TIMM23: variants seen among roughly 807,000 people sequenced by gnomAD.
The protein encoded by TIMM23 is translocase of inner mitochondrial membrane 23, also known as mitochondrial import inner membrane translocase subunit Tim23.
A neutral mutation model predicts 30.7 loss-of-function variants in TIMM23; 19 were observed. That is an observed-to-expected ratio of 0.62 (90% CI 0.43 to 0.91). TIMM23 has a LOEUF of 0.91. TIMM23 is among the 40% of genes least tolerant of loss of function. The pLI is 0.00. For synonymous variants in TIMM23, 78 were observed against 98.5 expected, an observed-to-expected ratio of 0.79 and a Z score of 1.23; for missense variants, 202 against 269.2, an observed-to-expected ratio of 0.75 and a Z score of 1.75.
intron 2 of TIMM23, among the ~76,000 whole-genome samples, chr10:45,977,709 T>C (rs1262883793): frequency 6.6e-6 from 1 of 152,188 alleles, no homozygotes. Context: ...TTAATCAGAA[T>C]TTAAAAATTT....
chr10:45,979,606 C>CTTTTT (rs1171770886), intron 2 of TIMM23, among the ~76,000 whole-genome samples: 1 of 54,410 alleles, frequency 1.8e-5, no homozygotes. Context: ...CATGCCTGGC[C>CTTTTT]TTTTTTTTTT....
At chr10:45,994,295 C>A (rs1162571907) in intron 6 of TIMM23, among the ~76,000 whole-genome samples, 1 of 151,682 alleles carries the variant, frequency 6.6e-6, no homozygotes, top group African/African-American at 2.4e-5. Context: ...GGCAAGATTG[C>A]GCCACTGCAC....
At chr10:45,991,557 G>A (rs1838163485) in intron 6 of TIMM23, among the ~76,000 whole-genome samples, 2 of 152,132 alleles carry the variant, frequency 1.3e-5, no homozygotes, top group South Asian at 4.1e-4. Context: ...TTCAAGACCA[G>A]CCTGACCAAC....
chr10:45,987,128 T>C, intron 5 of TIMM23, among the ~76,000 whole-genome samples: 1 of 152,262 alleles, frequency 6.6e-6, no homozygotes, highest in Middle Eastern at 3.4e-3. Flanking sequence ...ATGGGCATTT[T>C]ATTTGTTGCC....
chr10:45,978,876 G>T (rs1440182222), intron 2 of TIMM23, among the ~76,000 whole-genome samples: 1 of 152,018 alleles, frequency 6.6e-6, no homozygotes, highest in Non-Finnish European at 1.5e-5. Flanking sequence ...CCAAAAAATG[G>T]AAACAAACCA....
intron 2 of TIMM23, among the ~76,000 whole-genome samples, chr10:45,980,931 T>A (rs1265429826): frequency 2.0e-5 from 3 of 150,800 alleles, no homozygotes; most frequent in African/African-American, 7.3e-5. Flanking sequence ...TTTTTTTTTT[T>A]AAGTTTTCTT....
intron 6 of TIMM23, among the ~76,000 whole-genome samples, chr10:46,001,061 T>A (rs1831399647): frequency 6.6e-6 from 1 of 152,260 alleles, no homozygotes; most frequent in Admixed American, 6.5e-5. Context: ...TGGCTTATTT[T>A]TTCCACATTA....
chr10:45,974,449 A>C (rs1837605089), intron 1 of TIMM23, among the ~76,000 whole-genome samples: 1 of 152,186 alleles, frequency 6.6e-6, no homozygotes, highest in Admixed American at 6.5e-5. Flanking sequence ...GAAACAAAAC[A>C]AATTTGGCAG....
rs1432099968 is a variant in TIMM23 at position 45,974,163 on chromosome 10, GT to G, written c.107-1283del. Among the ~76,000 whole-genome samples the G allele has an allele frequency of 2.0e-3, 303 of 150,628 alleles. 3 individuals are homozygous for G. Among genetic ancestry groups the G allele is most frequent in the East Asian group, 0.019 (98 of 5,142 alleles). On this transcript the variant is annotated intron_variant, in intron 1 of 6. Coordinates refer to ENST00000580018, the MANE Select transcript of TIMM23 (RefSeq NM_006327.4). ...CAGGACTATAGTGGTTTTTGTGGGG[GT>G]TTTTTTTGTTTTTTTTTGAAAAGAG...
rs1289053417 is a variant in TIMM23 at position 45,993,996 on chromosome 10, A to G, written c.514+5149A>G. On this transcript the variant is annotated intron_variant, in intron 6 of 6. Transcript: ENST00000580018. The stretch of plus-strand genomic sequence containing the variant: ...AGCTTGGGTGATAGAGTGAGACTCC[A>G]TCTTGAAATGAAATGATGAAGTAAT... Among the ~76,000 whole-genome samples the G allele has an allele frequency of 4.7e-3, 713 of 152,308 alleles. 5 individuals carry two copies. The highest frequency in any genetic ancestry group is 0.019 in the East Asian group (97 of 5,180).
intron 4 of TIMM23, among the ~76,000 whole-genome samples, chr10:45,984,098 A>G (rs1837931140): frequency 1.3e-5 from 2 of 151,846 alleles, no homozygotes; most frequent in Admixed American, 1.3e-4. Flanking sequence ...ATGCTTTACC[A>G]GCCTAGATCC....
intron 5 of TIMM23, among the ~76,000 whole-genome samples, chr10:45,986,250 A>G (rs1837983921): frequency 6.6e-6 from 1 of 152,098 alleles, no homozygotes; most frequent in Non-Finnish European, 1.5e-5. Context: ...ATCCTAAGAG[A>G]TGGCTGCTTT....
At chr10:45,981,097 C>G (rs1246657060) in intron 2 of TIMM23, among the ~76,000 whole-genome samples, 7 of 148,620 alleles carry the variant, frequency 4.7e-5, no homozygotes, top group African/African-American at 1.7e-4. Context: ...CACTGCCACG[C>G]CCAGCTAATT....
chr10:45,998,460 T>C, intron 6 of TIMM23: 1 of 897,144 alleles, frequency 1.1e-6, no homozygotes, highest in Non-Finnish European at 1.3e-6. Flanking sequence ...CTTATTTGGT[T>C]ACTCTGTTCA....
chr10:45,978,787 A>G (rs1394329940), intron 2 of TIMM23, among the ~76,000 whole-genome samples: 2 of 151,950 alleles, frequency 1.3e-5, no homozygotes, highest in Non-Finnish European at 1.5e-5. Context: ...ACTTGCGTAT[A>G]CTCCATACTC....
intron 6 of TIMM23, among the ~76,000 whole-genome samples, chr10:45,989,564 T>G (rs1409599576): frequency 6.6e-6 from 1 of 152,240 alleles, no homozygotes; most frequent in Non-Finnish European, 1.5e-5. Flanking sequence ...TTCTTTTCTG[T>G]ATTTTTCATT....
intron 6 of TIMM23, among the ~76,000 whole-genome samples, chr10:46,000,975 C>T (rs1222808419): frequency 1.3e-5 from 2 of 152,208 alleles, no homozygotes; most frequent in Non-Finnish European, 2.9e-5. Context: ...CCTTATTACA[C>T]TCAAAATTAG....
At chr10:45,981,752 ACC>A (rs1837852696) in intron 2 of TIMM23, among the ~76,000 whole-genome samples, 1 of 152,104 alleles carries the variant, frequency 6.6e-6, no homozygotes. Context: ...GCTTATTTTA[ACC>A]ATCTTTGGTT....
intron 6 of TIMM23, chr10:46,002,472 A>G: frequency 2.0e-6 from 2 of 983,898 alleles, no homozygotes; most frequent in Non-Finnish European, 2.4e-6. Flanking sequence ...CCTGGCCGTC[A>G]CTAATCTTCA....
Sources: gnomAD v4.1 joint callset for allele counts (sites outside exome capture counted in the v4.1 genomes callset) on GRCh38, gnomAD v4.1.1 for gene constraint, MANE v1.5 for transcripts, NCBI Gene and HGNC (gene_info 2026-07-23, HGNC 2026-07-21) for gene names.